The following ELOVL5 variants were observed in gnomAD, a reference collection of about 807,000 sequenced individuals.
The protein encoded by ELOVL5 is very long chain fatty acid elongase 5.
A neutral mutation model predicts 38.6 loss-of-function variants in ELOVL5; 8 were observed. That is an observed-to-expected ratio of 0.21 (90% CI 0.12 to 0.37). ELOVL5 has a LOEUF of 0.37. ELOVL5 is among the 10% of genes least tolerant of loss of function. ELOVL5 has a pLI of 1.00. For synonymous variants in ELOVL5, 127 were observed against 133.7 expected (o/e 0.95, Z 0.34); for missense variants, 280 against 367.8 (o/e 0.76, Z 1.95).
At chr6:53,291,656 T>C in intron 3 of ELOVL5, 120 bp downstream of exon 3, 2 of 670,718 alleles carry the variant, frequency 3.0e-6, no homozygotes, top group East Asian at 2.9e-5. Flanking sequence ...ATTAAGATAC[T>C]TGCTTGCCCA....
intron 2 of ELOVL5, among the ~76,000 whole-genome samples, chr6:53,293,418 A>G (rs916641337): frequency 1.2e-4 from 19 of 152,140 alleles, no homozygotes; most frequent in African/African-American, 4.6e-4. Flanking sequence ...CTAGGGTCCA[A>G]GCGATTCTCC....
chr6:53,281,823 T>TG (rs961690698), intron 3 of ELOVL5, among the ~76,000 whole-genome samples: 1 of 30,396 alleles, frequency 3.3e-5, no homozygotes, highest in Non-Finnish European at 5.7e-5. Flanking sequence ...TCCACAGGTG[T>TG]TTTTTTTTTT....
chr6:53,281,980 G>A (rs1302141360), intron 3 of ELOVL5, among the ~76,000 whole-genome samples: 1 of 152,146 alleles, frequency 6.6e-6, no homozygotes, highest in East Asian at 1.9e-4. Flanking sequence ...AACTGAAACA[G>A]GTATGTCTGG....
At chr6:53,348,387 CGA>C (rs1769669101) in intron 1 of ELOVL5, among the ~76,000 whole-genome samples, 2 of 151,600 alleles carry the variant, frequency 1.3e-5, no homozygotes. Context: ...GCGCTCCCTC[CGA>C]GAGCGCTCCC....
intron 1 of ELOVL5, among the ~76,000 whole-genome samples, chr6:53,337,611 T>C (rs1040723558): frequency 5.3e-5 from 8 of 152,188 alleles, no homozygotes; most frequent in Non-Finnish European, 8.8e-5. Flanking sequence ...CTGGTTATAT[T>C]TGAAAGGTAC....
intron 1 of ELOVL5, among the ~76,000 whole-genome samples, chr6:53,348,022 G>GT (rs539816858): frequency 6.8e-6 from 1 of 146,722 alleles, no homozygotes; most frequent in Non-Finnish European, 1.5e-5. Context: ...GAGCACAACC[G>GT]CCCCCCCGCC....
At chr6:53,317,103 T>G (rs967791275) in intron 1 of ELOVL5, among the ~76,000 whole-genome samples, 1 of 152,242 alleles carries the variant, frequency 6.6e-6, no homozygotes, top group Non-Finnish European at 1.5e-5. Context: ...CATGTATTCC[T>G]GCTGTCCTAA....
chr6:53,318,062 C>T lies in ELOVL5; in HGVS notation c.-8-22355G>A, dbSNP rs182466922. On this transcript the variant is annotated intron_variant, in intron 1 of 7. Transcript: ENST00000304434. Reference sequence around the variant, plus strand: ...TCACAGATGAGTCCACCCAGGCAGACAGCCACTGTCACTTGTCCAAGGTTA... The same window carrying T: ...TCACAGATGAGTCCACCCAGGCAGATAGCCACTGTCACTTGTCCAAGGTTA... 3.8e-3 allele frequency among the ~76,000 whole-genome samples: 582 copies of T among 152,278 alleles called. 2 individuals are homozygous for T. The highest frequency in any genetic ancestry group is 0.012 in the African/African-American group (514 of 41,562).
At chr6:53,323,197 C>CAGAT (rs1768368520) in intron 1 of ELOVL5, among the ~76,000 whole-genome samples, 1 of 152,132 alleles carries the variant, frequency 6.6e-6, no homozygotes, top group African/African-American at 2.4e-5. Context: ...TAGCAACCTA[C>CAGAT]AGATACCTGT....
intron 1 of ELOVL5, among the ~76,000 whole-genome samples, chr6:53,324,020 A>G (rs1768406261): frequency 6.6e-6 from 1 of 152,160 alleles, no homozygotes; most frequent in Non-Finnish European, 1.5e-5. Flanking sequence ...TGGGAGACTG[A>G]GGCAGGCTGA....
intron 1 of ELOVL5, among the ~76,000 whole-genome samples, chr6:53,304,425 C>T (rs1389933840): frequency 6.8e-6 from 1 of 147,538 alleles, no homozygotes; most frequent in Admixed American, 6.8e-5. Context: ...CACACACAAA[C>T]ACACACACCT....
chr6:53,339,685 A>G (rs1769240156), intron 1 of ELOVL5, among the ~76,000 whole-genome samples: 1 of 152,220 alleles, frequency 6.6e-6, no homozygotes, highest in African/African-American at 2.4e-5. Context: ...GCATAGCTAG[A>G]CCTGTAACAG....
intron 1 of ELOVL5, among the ~76,000 whole-genome samples, chr6:53,341,976 T>G (rs532395057): frequency 6.6e-6 from 1 of 152,262 alleles, no homozygotes; most frequent in East Asian, 1.9e-4. Flanking sequence ...ACGCAGCTGT[T>G]AAGTGGCAGA....
intron 1 of ELOVL5, among the ~76,000 whole-genome samples, chr6:53,347,641 C>T (rs1180265178): frequency 6.6e-6 from 1 of 152,210 alleles, no homozygotes; most frequent in East Asian, 1.9e-4. Flanking sequence ...GCTGCTCGCT[C>T]CCCACAAATC....
At chr6:53,269,318 T>C in intron 7 of ELOVL5, 48 bp from the exon 8 acceptor site, 1 of 1,486,420 alleles carries the variant, frequency 6.7e-7, no homozygotes, top group Non-Finnish European at 9.0e-7. Context: ...CAGTTTTCTT[T>C]ATAGGGAACT....
intron 1 of ELOVL5, among the ~76,000 whole-genome samples, chr6:53,336,136 G>A (rs1158509843): frequency 6.6e-6 from 1 of 152,148 alleles, no homozygotes; most frequent in African/African-American, 2.4e-5. Flanking sequence ...CTGTTGATTC[G>A]AGTATATACC....
chr6:53,292,899 G>C (rs1766827174), intron 2 of ELOVL5, among the ~76,000 whole-genome samples: 1 of 152,188 alleles, frequency 6.6e-6, no homozygotes, highest in Non-Finnish European at 1.5e-5. Context: ...TAGCATGAGA[G>C]CGAAGACCTA....
chr6:53,275,504 G>C (rs944769200), intron 4 of ELOVL5, among the ~76,000 whole-genome samples: 2 of 152,138 alleles, frequency 1.3e-5, no homozygotes, highest in Non-Finnish European at 2.9e-5. Flanking sequence ...GAATATTTTT[G>C]AAAGGGTCCC....
chr6:53,324,040 G>A (rs556986042), intron 1 of ELOVL5, among the ~76,000 whole-genome samples: 3 of 152,146 alleles, frequency 2.0e-5, no homozygotes, highest in Non-Finnish European at 4.4e-5. Context: ...ATCAATTGAG[G>A]TCAGGAGTTC....
Sources: allele counts gnomAD v4.1 joint callset (sites outside exome capture counted in the v4.1 genomes callset), GRCh38; gene constraint gnomAD v4.1.1; transcripts MANE v1.5; gene names NCBI Gene and HGNC (gene_info 2026-07-23, HGNC 2026-07-21).